The following RBMS1 variants were observed in gnomAD, a reference collection of about 807,000 sequenced individuals.
RBMS1 encodes RNA-binding motif, single-stranded-interacting protein 1.
Under a neutral mutation model 62.3 loss-of-function variants are expected in RBMS1, and 17 were observed. That is an observed-to-expected ratio of 0.27 (90% CI 0.19 to 0.41). RBMS1 has a LOEUF of 0.41. RBMS1 is among the 10% of genes least tolerant of loss of function. RBMS1 has a pLI of 1.00. For missense variants in RBMS1, 334 were observed against 504.5 expected (o/e 0.66, Z 3.24); for synonymous variants, 172 against 170.0 (o/e 1.01, Z -0.09).
At chr2:160,379,630 C>T (rs528569002) in intron 1 of RBMS1, among the ~76,000 whole-genome samples, 5 of 152,244 alleles carry the variant, frequency 3.3e-5, no homozygotes, top group African/African-American at 7.2e-5. Flanking sequence ...TTACAGAAAT[C>T]GGATGCAACA....
chr2:160,381,854 C>A (rs893214276), intron 1 of RBMS1, among the ~76,000 whole-genome samples: 5 of 152,204 alleles, frequency 3.3e-5, no homozygotes, highest in Non-Finnish European at 4.4e-5. Context: ...TCCTCTAATA[C>A]CAACAGCACA....
intron 2 of RBMS1, among the ~76,000 whole-genome samples, chr2:160,324,212 C>T (rs555098092): frequency 3.9e-5 from 6 of 152,316 alleles, no homozygotes; most frequent in African/African-American, 1.2e-4. Flanking sequence ...TCCACTGGCA[C>T]GTACAAATGT....
chr2:160,333,666 A>T (rs1474601152), intron 2 of RBMS1, among the ~76,000 whole-genome samples: 1 of 152,100 alleles, frequency 6.6e-6, no homozygotes, highest in Non-Finnish European at 1.5e-5. Flanking sequence ...CACACAATTC[A>T]CTGATGGAGC....
chr2:160,459,360 A>G (rs1227114597), intron 1 of RBMS1, among the ~76,000 whole-genome samples: 1 of 152,228 alleles, frequency 6.6e-6, no homozygotes, highest in Non-Finnish European at 1.5e-5. Context: ...TAAGATTTAC[A>G]TTTAAAATGC....
chr2:160,382,806 A>G (rs1694343508), intron 1 of RBMS1, among the ~76,000 whole-genome samples: 1 of 152,184 alleles, frequency 6.6e-6, no homozygotes, highest in Non-Finnish European at 1.5e-5. Flanking sequence ...CAGAAGAATC[A>G]CAACACTCCC....
In RBMS1 at chr2:160,413,647, T is replaced by G. The variant is rs114538067; in HGVS notation, c.76-46256A>C. Among the ~76,000 whole-genome samples the G allele has an allele frequency of 3.2e-3, 488 of 152,352 alleles. 2 individuals are homozygous for G. Among genetic ancestry groups the G allele is most frequent in the Non-Finnish European group, 3.2e-3 (215 of 68,032 alleles). On this transcript the variant is annotated intron_variant, in intron 1 of 13. Coordinates refer to ENST00000348849, the MANE Select transcript of RBMS1 (RefSeq NM_016836.4). ...ATGAGTCCTACCAGAAGCCATAGTCTGATTATTCTGTCCTGGTTAACAAAA... is the reference window on the plus strand; with the variant it reads ...ATGAGTCCTACCAGAAGCCATAGTCGGATTATTCTGTCCTGGTTAACAAAA...
chr2:160,473,012 A>G (rs1684983547), intron 1 of RBMS1, among the ~76,000 whole-genome samples: 1 of 152,200 alleles, frequency 6.6e-6, no homozygotes, highest in Non-Finnish European at 1.5e-5. Context: ...TTCCAATGCT[A>G]GGCAACTCTC....
chr2:160,430,337 T>C (rs1682836003), intron 1 of RBMS1, among the ~76,000 whole-genome samples: 1 of 152,252 alleles, frequency 6.6e-6, no homozygotes, highest in Admixed American at 6.5e-5. Flanking sequence ...CTAGTAAATA[T>C]GTTTGTATCA....
chr2:160,309,666 A>T (rs1689739677), intron 4 of RBMS1, among the ~76,000 whole-genome samples: 1 of 152,172 alleles, frequency 6.6e-6, no homozygotes, highest in Non-Finnish European at 1.5e-5. Flanking sequence ...TTGGTTAAAG[A>T]CCTCAGAAAA....
chr2:160,277,116 C>T (rs1279017919), intron 12 of RBMS1, among the ~76,000 whole-genome samples, 187 bp downstream of exon 12: 2 of 152,156 alleles, frequency 1.3e-5, no homozygotes. Context: ...TAACTCCTGA[C>T]CATAAGCAAT....
Position 160,410,890 on chromosome 2 carries a change from T to A in RBMS1, c.76-43499A>T, listed in dbSNP as rs182147907. Among the ~76,000 whole-genome samples the A allele has an allele frequency of 5.3e-4, 81 of 152,316 alleles. 1 individual carries two copies. The highest frequency in any genetic ancestry group is 1.0e-3 in the Admixed American group (16 of 15,302). Reference sequence around the variant, plus strand: ...TCCCGAGTAGCTGGGACTACAGGCGTGTGCCACCACGCCTGTCTAATTTTT... The same window carrying A: ...TCCCGAGTAGCTGGGACTACAGGCGAGTGCCACCACGCCTGTCTAATTTTT... On this transcript the variant is annotated intron_variant, in intron 1 of 13. Transcript: ENST00000348849.
chr2:160,289,073 C>T (rs569024731), intron 6 of RBMS1, among the ~76,000 whole-genome samples: 6 of 151,924 alleles, frequency 3.9e-5, no homozygotes, highest in Non-Finnish European at 8.8e-5. Context: ...TAAGGTGCTT[C>T]TAACACATTT....
At chr2:160,372,642 A>AG (rs945442362) in intron 1 of RBMS1, among the ~76,000 whole-genome samples, 1 of 152,224 alleles carries the variant, frequency 6.6e-6, no homozygotes, top group African/African-American at 2.4e-5. Flanking sequence ...AAAAGGAATG[A>AG]GGGGGGCCCC....
At chr2:160,296,469 G>C (rs753479970) in intron 6 of RBMS1, among the ~76,000 whole-genome samples, 1 of 152,148 alleles carries the variant, frequency 6.6e-6, no homozygotes, top group Non-Finnish European at 1.5e-5. Flanking sequence ...AAATTAAAGT[G>C]AATTTCTAAT....
intron 9 of RBMS1, chr2:160,282,513 C>T (rs1574208188): frequency 3.1e-6 from 1 of 327,704 alleles, no homozygotes; most frequent in South Asian, 2.5e-5. Context: ...CAAACAACTC[C>T]CTACAGACCC....
At chr2:160,374,527 T>C (rs1345574812) in intron 1 of RBMS1, among the ~76,000 whole-genome samples, 3 of 152,180 alleles carry the variant, frequency 2.0e-5, no homozygotes, top group Non-Finnish European at 4.4e-5. Flanking sequence ...GAATCTCACA[T>C]GTAGAAAAGA....
chr2:160,366,754 TA>T (rs1379355355), intron 2 of RBMS1, among the ~76,000 whole-genome samples: 6 of 152,170 alleles, frequency 3.9e-5, no homozygotes, highest in Admixed American at 3.3e-4. Flanking sequence ...CTATGGATGC[TA>T]ATGGGGACAG....
chr2:160,426,293 A>G (rs377312807), intron 1 of RBMS1, among the ~76,000 whole-genome samples: 934 of 59,340 alleles, frequency 0.016, 3 homozygotes, highest in South Asian at 0.025. Context: ...AAGAAAGAAA[A>G]GAAAGAAGGA....
chr2:160,480,567 A>G (rs2105356017), intron 1 of RBMS1, among the ~76,000 whole-genome samples: 1 of 152,364 alleles, frequency 6.6e-6, no homozygotes, highest in East Asian at 1.9e-4. Context: ...ATTCATAAAT[A>G]AATAAGAGAT....
Sources: allele counts gnomAD v4.1 joint callset (sites outside exome capture counted in the v4.1 genomes callset), GRCh38; gene constraint gnomAD v4.1.1; transcripts MANE v1.5; gene names NCBI Gene and HGNC (gene_info 2026-07-23, HGNC 2026-07-21).